Variants in GPR153 observed in about 807,000 individuals in gnomAD.
GPR153 encodes G protein-coupled receptor 153, also known as probable G protein-coupled receptor 153.
In GPR153, 27 loss-of-function variants were observed where a neutral mutation model predicts 34.1. That is an observed-to-expected ratio of 0.79 (90% CI 0.58 to 1.09). GPR153 has a LOEUF of 1.09. Ranked by LOEUF, GPR153 falls within the 50% of genes least tolerant of loss-of-function variation. The probability of loss-of-function intolerance (pLI) is 0.00; values close to 1 mark genes in which losing one functional copy is unlikely to be tolerated. For synonymous variants in GPR153, 408 were observed against 405.4 expected (o/e 1.01, Z -0.08); for missense variants, 848 against 860.2 (o/e 0.99, Z 0.18).
chr1:6,249,193 G>T lies in GPR153; in HGVS notation c.*145C>A. The T allele has an allele frequency of 1.7e-6, 1 of 572,812 alleles. No homozygotes were observed. The highest frequency in any genetic ancestry group is 8.7e-5 in the South Asian group (1 of 11,434). The allele number at this position is 572,812 out of a possible 1,614,324, so 35.5% of individuals were successfully genotyped here. On this transcript the variant is annotated 3_prime_UTR_variant, in exon 6 of 6. Transcript: ENST00000377893. This position sits in a 1 kb window ranked among gnomAD's most constrained non-coding sequence, Gnocchi z 4.3. ...GGACAAGGCCAGCTGGGAGGAGCCG[G>T]AAGACAAACGCTGAGGCCAACGCCC...
At chr1:6,256,880 A>G (rs1638578863) in intron 1 of GPR153, among the ~76,000 whole-genome samples, 1 of 152,204 alleles carries the variant, frequency 6.6e-6, no homozygotes, top group South Asian at 2.1e-4. Flanking sequence ...AAGGCGGGGA[A>G]GGCCCTGGCG....
chr1:6,248,863 TC>T lies in GPR153; in HGVS notation c.*474del, dbSNP rs369336095. 0.014 allele frequency: 1,949 copies of T among 142,990 alleles called. 18 individuals carry two copies. The highest frequency in any genetic ancestry group is 0.026 in the African/African-American group (993 of 38,516). The allele number at this position is 142,990 out of a possible 1,614,324, so 8.9% of individuals were successfully genotyped here. A position where few individuals can be genotyped will look rare whatever the true frequency, so the allele number is the denominator to read the frequency against. ...CTGTGCTTAGAGACCCTCTGTACCC[TC>T]CCCCCCCCCGAAGGGTGTGGCGGTT... On this transcript the variant is annotated 3_prime_UTR_variant, in exon 6 of 6. Coordinates refer to ENST00000377893, the MANE Select transcript of GPR153 (RefSeq NM_207370.4).
chr1:6,253,650 T>C (rs750170700), intron 3 of GPR153, 68 bp downstream of exon 3: 6 of 1,365,512 alleles, frequency 4.4e-6, no homozygotes, highest in Non-Finnish European at 6.0e-6. Context: ...AACCACCTGA[T>C]GCCTGGAGTA....
intron 2 of GPR153, 145 bp downstream of exon 2, chr1:6,254,405 G>T: frequency 1.2e-6 from 1 of 820,820 alleles, no homozygotes; most frequent in Non-Finnish European, 2.0e-6. Flanking sequence ...GCCCCCAGCA[G>T]CTTACAGCAG....
chr1:6,249,560 C>T lies in GPR153; in HGVS notation c.1608G>A (p.Glu536=). The T allele has an allele frequency of 1.7e-6, 2 of 1,189,292 alleles. No individual in the cohort carries two copies. Among genetic ancestry groups the T allele is most frequent in the Non-Finnish European group, 2.1e-6 (2 of 961,042 alleles). The allele number at this position is 1,189,292 out of a possible 1,614,324, so 73.7% of individuals were successfully genotyped here. ...PAAPDGADPG[E]APTPPSSAQR... ...GGGCGCTGCTTGGGGGCGTCGGGGCCTCTCCGGGATCTGCGCCGTCGGGGG... is the reference window on the plus strand; with the variant it reads ...GGGCGCTGCTTGGGGGCGTCGGGGCTTCTCCGGGATCTGCGCCGTCGGGGG... Residue 536 remains glutamate (E), a synonymous_variant, in exon 6 of 6, where the codon GAG becomes GAA. Coordinates refer to ENST00000377893, the MANE Select transcript of GPR153 (RefSeq NM_207370.4). The surrounding 1 kb of genome is among the most constrained non-coding windows in gnomAD (Gnocchi z 4.3).
intron 1 of GPR153, among the ~76,000 whole-genome samples, chr1:6,256,783 A>G (rs1486396361): frequency 6.6e-6 from 1 of 152,186 alleles, no homozygotes; most frequent in Non-Finnish European, 1.5e-5. Flanking sequence ...ATTACAGGGC[A>G]AGTGCTCCCA....
chr1:6,251,361 G>A lies in GPR153; in HGVS notation c.956C>T (p.Ala319Val). The change falls in exon 4 of 6, where the codon GCC (alanine) becomes GTC (valine). Residue 319 changes from alanine (A) to valine (V), a missense_variant. Coordinates refer to ENST00000377893, the MANE Select transcript of GPR153 (RefSeq NM_207370.4). The surrounding 1 kb of genome is among the most constrained non-coding windows in gnomAD (Gnocchi z 4.9). ...AVREKCMALM[A>V]NDEESDDETS... ...ACCATCGTCTGACTCCTCGTCGTTGGCCATGAGGGCCATGCACTTCTCCCG... is the reference window on the plus strand; with the variant it reads ...ACCATCGTCTGACTCCTCGTCGTTGACCATGAGGGCCATGCACTTCTCCCG... 2 of 1,609,886 alleles carry A rather than the reference G, an allele frequency of 1.2e-6. No homozygotes were observed. The highest frequency in any genetic ancestry group is 1.7e-5 in the Admixed American group (1 of 59,722).
chr1:6,251,806 GC>G lies in GPR153; in HGVS notation c.787-277del, dbSNP rs1327462860. Among the ~76,000 whole-genome samples, 1 of 152,130 alleles carries G rather than the reference GC, an allele frequency of 6.6e-6. No individual in the cohort carries two copies. The highest frequency in any genetic ancestry group is 1.5e-5 in the Non-Finnish European group (1 of 68,008). On this transcript the variant is annotated intron_variant, in intron 3 of 5. Coordinates refer to ENST00000377893, the MANE Select transcript of GPR153 (RefSeq NM_207370.4). The surrounding 1 kb of genome is among the most constrained non-coding windows in gnomAD (Gnocchi z 4.9). ...GGGCATGGATTACCACCTCCTCCCC[GC>G]TTTGTTTTGAGACAGTCTCATTCTG... is the stretch of plus-strand genomic sequence containing the variant.
In GPR153 at chr1:6,260,924, CG is replaced by C. The variant is rs941076206; in HGVS notation, c.-210del. On this transcript the variant is annotated 5_prime_UTR_variant, in exon 1 of 6. The change creates a premature stop within an existing upstream ORF in the 5' untranslated region. Coordinates refer to ENST00000377893, the MANE Select transcript of GPR153 (RefSeq NM_207370.4). ...GCCGAGCGCAGGCCGCCGAGGGCCG[CG>C]GGGGTGGCTGGCGGCGGAGCGGCCC... 6.8e-6 allele frequency: 1 copy of C among 147,166 alleles called. No individual in the cohort carries two copies. The highest frequency in any genetic ancestry group is 2.4e-5 in the African/African-American group (1 of 40,864). The allele number at this position is 147,166 out of a possible 1,614,324, so 9.1% of individuals were successfully genotyped here.
chr1:6,249,703 G>T lies in GPR153; in HGVS notation c.1465C>A (p.Pro489Thr). 1 of 1,034,684 alleles carries T rather than the reference G, an allele frequency of 9.7e-7. No homozygotes were observed. The highest frequency in any genetic ancestry group is 1.2e-6 in the Non-Finnish European group (1 of 864,204). The allele number at this position is 1,034,684 out of a possible 1,614,324, so 64.1% of individuals were successfully genotyped here. The change falls in exon 6 of 6, where the codon CCC becomes ACC. Residue 489 changes from proline (P) to threonine (T), a missense_variant. Pro to Thr is a conservative substitution (Grantham distance 38). Coordinates refer to ENST00000377893, the MANE Select transcript of GPR153 (RefSeq NM_207370.4). The surrounding 1 kb of genome is among the most constrained non-coding windows in gnomAD (Gnocchi z 4.3). ...PPGSPRRRPG[P>T]GPRSASASLL... ...GAGGCCGAGGCGGAGCGGGGGCCGG[G>T]CCCGGGGCGGCGGCGCGGGCTGCCG...
intron 1 of GPR153, among the ~76,000 whole-genome samples, chr1:6,256,474 A>G (rs777544319): frequency 1.3e-5 from 2 of 150,730 alleles, no homozygotes; most frequent in Non-Finnish European, 3.0e-5. Flanking sequence ...GGTTCAAGCC[A>G]TTCTTGTGCC....
rs1188641264 is a variant in GPR153, at chr1:6,260,811, G to A, written c.-110+14C>T. 1 of 150,576 alleles carries A rather than the reference G, an allele frequency of 6.6e-6. No individual in the cohort carries two copies. Among genetic ancestry groups the A allele is most frequent in the Non-Finnish European group, 1.5e-5 (1 of 67,550 alleles). 9.3% of individuals were successfully genotyped at this position (150,576 alleles called of 1,614,324 possible). On this transcript the variant is annotated intron_variant, in intron 1 of 5. Transcript: ENST00000377893. ...CCCGTCCGTCCGCCCTCGGGCCAGG[G>A]CGGCGACGCTCACCCTGCATTCGAG...
Position 6,251,204 on chromosome 1 carries a change from G to C in GPR153, c.979+134C>G. 1 of 719,108 alleles carries C rather than the reference G, an allele frequency of 1.4e-6. No individual in the cohort carries two copies. The highest frequency in any genetic ancestry group is 2.3e-6 in the Non-Finnish European group (1 of 425,702). The allele number at this position is 719,108 out of a possible 1,614,324, so 44.5% of individuals were successfully genotyped here. A position where few individuals can be genotyped will look rare whatever the true frequency, so the allele number is the denominator to read the frequency against. The stretch of plus-strand genomic sequence containing the variant: ...CTTGGACATTCAAGTACATTTGGGG[G>C]TGACACGGGGTGTCTGGTGGTTGAG... On this transcript the variant is annotated intron_variant, in intron 4 of 5. Coordinates refer to ENST00000377893, the MANE Select transcript of GPR153 (RefSeq NM_207370.4). This position sits in a 1 kb window ranked among gnomAD's most constrained non-coding sequence, Gnocchi z 4.9.
intron 2 of GPR153, among the ~76,000 whole-genome samples, 178 bp from the exon 3 acceptor site, chr1:6,254,325 T>C (rs1306136879): frequency 6.6e-6 from 1 of 152,120 alleles, no homozygotes; most frequent in Non-Finnish European, 1.5e-5. Context: ...ACTGTGAACA[T>C]TGTCACACGT....
Position 6,249,341 on chromosome 1 carries a change from G to C in GPR153, c.1827C>G (p.Ser609=). 7.7e-7 allele frequency: 1 copy of C among 1,302,556 alleles called. No individual in the cohort carries two copies. Among genetic ancestry groups the C allele is most frequent in the Admixed American group, 3.8e-5 (1 of 26,528 alleles). 80.7% of individuals were successfully genotyped at this position (1,302,556 alleles called of 1,614,324 possible). Residue 609 remains serine, a synonymous_variant, in exon 6 of 6, where the codon TCC becomes TCG. Transcript: ENST00000377893. The surrounding 1 kb of genome is among the most constrained non-coding windows in gnomAD (Gnocchi z 4.3). ...CCGTGGGGAGGCGCCGGCGGTCCTA[G>C]GACGCGGAGCCCAGCGAGTCCGAGT... ...TLHSDSLGSA[S]
rs1571240577 is a variant in GPR153, at chr1:6,254,050, T to G, written c.454A>C (p.Thr152Pro). 6.2e-7 allele frequency: 1 copy of G among 1,613,410 alleles called. No homozygotes were observed. The highest frequency in any genetic ancestry group is 1.1e-5 in the South Asian group (1 of 91,080). Reference sequence around the variant, plus strand: ...CCATGGGTGTAGAAGCGCTCGCTGGTGTCGTGCCAGCCAACGGCAGGCAGG... The same window carrying G: ...CCATGGGTGTAGAAGCGCTCGCTGGGGTCGTGCCAGCCAACGGCAGGCAGG... Reference protein sequence around the residue: ...SALPAVGWHDTSERFYTHGCR... With the variant: ...SALPAVGWHDPSERFYTHGCR... The change falls in exon 3 of 6, where the codon ACC becomes CCC. Residue 152 changes from threonine (T) to proline (P), a missense_variant. Thr to Pro is a conservative substitution (Grantham distance 38, BLOSUM62 -1). Coordinates refer to ENST00000377893, the MANE Select transcript of GPR153 (RefSeq NM_207370.4).
Position 6,251,376 on chromosome 1 carries a change from C to A in GPR153, c.941G>T (p.Cys314Phe). Residue 314 changes from cysteine (C) to phenylalanine (F), a missense_variant, in exon 4 of 6, where the codon TGC becomes TTC. By Grantham distance (205) the Cys-to-Phe change is radical. Coordinates refer to ENST00000377893, the MANE Select transcript of GPR153 (RefSeq NM_207370.4). The surrounding 1 kb of genome is among the most constrained non-coding windows in gnomAD (Gnocchi z 4.9). ...CTCGTCGTTGGCCATGAGGGCCATG[C>A]ACTTCTCCCGGACAGCTTTGAGGTC... Reference protein sequence around the residue: ...RADLKAVREKCMALMANDEES... With the variant: ...RADLKAVREKFMALMANDEES... The A allele has an allele frequency of 6.2e-7, 1 of 1,612,684 alleles. No individual in the cohort carries two copies. The highest frequency in any genetic ancestry group is 1.1e-5 in the South Asian group (1 of 90,940).
chr1:6,249,358 A>G lies in GPR153; in HGVS notation c.1810T>C (p.Ser604Pro). The G allele has an allele frequency of 7.5e-7, 1 of 1,324,888 alleles. No homozygotes were observed. Among genetic ancestry groups the G allele is most frequent in the Non-Finnish European group, 9.6e-7 (1 of 1,040,134 alleles). 82.1% of individuals were successfully genotyped at this position (1,324,888 alleles called of 1,614,324 possible). ...SSGYATLHSD[S>P]LGSAS ...CGGTCCTAGGACGCGGAGCCCAGCG[A>G]GTCCGAGTGCAGCGTGGCGTAGCCC... The change falls in exon 6 of 6, where the codon TCG becomes CCG. Residue 604 changes from serine to proline, a missense_variant. Physicochemically the swap from Ser to Pro is moderately conservative, Grantham distance 74. Transcript: ENST00000377893. The surrounding 1 kb of genome is among the most constrained non-coding windows in gnomAD (Gnocchi z 4.3).
chr1:6,253,311 G>C (rs1008444732), intron 3 of GPR153, among the ~76,000 whole-genome samples: 2 of 152,176 alleles, frequency 1.3e-5, no homozygotes, highest in African/African-American at 4.8e-5. Flanking sequence ...CAGGAGACTC[G>C]CTTGAACCCA....
Sources: gnomAD v4.1 joint callset for allele counts (sites outside exome capture counted in the v4.1 genomes callset) on GRCh38, gnomAD v4.1.1 for gene constraint, Gnocchi (gnomAD v3.1) non-coding constraint, MANE v1.5 for transcripts, NCBI Gene and HGNC (gene_info 2026-07-23, HGNC 2026-07-21) for gene names.